The following GTF2F2 variants were observed in gnomAD, a reference collection of about 807,000 sequenced individuals.
GTF2F2 encodes general transcription factor IIF subunit 2, also known as ATP-dependent helicase GTF2F2.
A neutral mutation model predicts 42.2 loss-of-function variants in GTF2F2; 23 were observed. That is an observed-to-expected ratio of 0.55 (90% CI 0.39 to 0.77). GTF2F2 has a LOEUF of 0.77. Among genes scored for constraint, GTF2F2 ranks in the 30% least tolerant of loss-of-function variants. GTF2F2 has a pLI of 0.00. For synonymous variants in GTF2F2, 105 were observed against 100.8 expected, an observed-to-expected ratio of 1.04 and a Z score of -0.25; for missense variants, 261 against 287.2, an observed-to-expected ratio of 0.91 and a Z score of 0.66.
intron 2 of GTF2F2, among the ~76,000 whole-genome samples, chr13:45,144,455 G>A (rs1403958284): frequency 8.4e-6 from 1 of 119,438 alleles, no homozygotes; most frequent in East Asian, 2.5e-4. Flanking sequence ...TCTTTTTTTG[G>A]TCTTTTTTTT....
intron 5 of GTF2F2, among the ~76,000 whole-genome samples, chr13:45,216,538 A>T (rs1056548938): frequency 5.9e-5 from 9 of 151,776 alleles, no homozygotes; most frequent in African/African-American, 2.2e-4. Flanking sequence ...TGTTTTTGAG[A>T]TAGAGTCTTG....
intron 6 of GTF2F2, among the ~76,000 whole-genome samples, chr13:45,259,977 T>C: frequency 6.6e-6 from 1 of 151,762 alleles, no homozygotes; most frequent in African/African-American, 2.4e-5. Context: ...TTTCTCTCTC[T>C]CATTTTTTTT....
At chr13:45,200,953 A>C (rs1593488075) in intron 4 of GTF2F2, among the ~76,000 whole-genome samples, 1 of 152,324 alleles carries the variant, frequency 6.6e-6, no homozygotes, top group East Asian at 1.9e-4. Context: ...AATGTTGGTC[A>C]GTAGTCCTCT....
intron 6 of GTF2F2, among the ~76,000 whole-genome samples, chr13:45,254,459 A>AT (rs1463990824): frequency 6.6e-5 from 10 of 152,178 alleles, no homozygotes; most frequent in Admixed American, 6.5e-4. Context: ...CATTTATTGC[A>AT]TACATATTAT....
rs1331253179 is a variant in GTF2F2, at chr13:45,265,729, T to G, written c.487-1504T>G. Among the ~76,000 whole-genome samples the G allele has an allele frequency of 1.3e-5, 2 of 152,242 alleles. 1 individual carries two copies. The highest frequency in any genetic ancestry group is 4.8e-5 in the African/African-American group (2 of 41,466). On this transcript the variant is annotated intron_variant, in intron 6 of 7. Coordinates refer to ENST00000340473, the MANE Select transcript of GTF2F2 (RefSeq NM_004128.3). ...AATCAATAGAAACTAAATTTTATCC[T>G]TTTATAACAAATCTTTATTGTTAAA... is the stretch of plus-strand genomic sequence containing the variant.
chr13:45,192,745 G>A (rs1344574045), intron 4 of GTF2F2: 1 of 152,110 alleles, frequency 6.6e-6, no homozygotes, highest in African/African-American at 2.4e-5. Flanking sequence ...CTGAGATTTA[G>A]CATCCAAAAA....
chr13:45,191,227 AT>A lies in GTF2F2; in HGVS notation c.305-16196del, dbSNP rs1566129315. On this transcript the variant is annotated intron_variant, in intron 4 of 7. Transcript: ENST00000340473. ...TCTACTAAAAATACAAAAAAAAAATATATATATATATATATATATATATATA... is the reference window on the plus strand; with the variant it reads ...TCTACTAAAAATACAAAAAAAAAATAATATATATATATATATATATATATA... 4.9e-3 allele frequency among the ~76,000 whole-genome samples: 574 copies of A among 116,086 alleles called. 36 individuals are homozygous for A. The highest frequency in any genetic ancestry group is 0.017 in the African/African-American group (461 of 27,570). The allele number at this position is 116,086 out of a possible 152,430, so 76.2% of individuals were successfully genotyped here.
At chr13:45,220,510 T>TA (rs1036364543) in intron 5 of GTF2F2, among the ~76,000 whole-genome samples, 1 of 152,204 alleles carries the variant, frequency 6.6e-6, no homozygotes, top group Non-Finnish European at 1.5e-5. Context: ...TCCATACTTA[T>TA]ACTACCATAT....
At chr13:45,124,993 T>G (rs1321447901) in intron 1 of GTF2F2, among the ~76,000 whole-genome samples, 1 of 152,224 alleles carries the variant, frequency 6.6e-6, no homozygotes, top group Non-Finnish European at 1.5e-5. Flanking sequence ...TTTCATTTTT[T>G]CACAGACAGG....
intron 1 of GTF2F2, among the ~76,000 whole-genome samples, chr13:45,135,548 G>A (rs552209385): frequency 1.2e-4 from 18 of 152,276 alleles, no homozygotes; most frequent in Admixed American, 2.0e-4. Flanking sequence ...GTGAGCCACC[G>A]CGCCCAGCCC....
chr13:45,152,606 G>T (rs1280654137), intron 4 of GTF2F2, among the ~76,000 whole-genome samples: 1 of 152,152 alleles, frequency 6.6e-6, no homozygotes, highest in Non-Finnish European at 1.5e-5. Flanking sequence ...CCTTTTTATT[G>T]CATAGAGATA....
chr13:45,124,627 C>T (rs1868877360), intron 1 of GTF2F2, among the ~76,000 whole-genome samples: 1 of 152,060 alleles, frequency 6.6e-6, no homozygotes, highest in African/African-American at 2.4e-5. Context: ...TGCAATGGCA[C>T]AATCTCAGCG....
Position 45,151,628 on chromosome 13 carries a change from A to T in GTF2F2, c.160-59A>T, listed in dbSNP as rs13378297. On this transcript the variant is annotated intron_variant, in intron 3 of 7. Coordinates refer to ENST00000340473, the MANE Select transcript of GTF2F2 (RefSeq NM_004128.3). ...ACAATTTGATTTATAACAAAAATTT[A>T]TATATATATAGTTTGAATACAGAAG... 0.22 allele frequency: 230,131 copies of T among 1,040,096 alleles called. 26,648 individuals are homozygous for T. Among genetic ancestry groups the T allele is most frequent in the African/African-American group, 0.31 (18,597 of 60,048 alleles). The allele number at this position is 1,040,096 out of a possible 1,614,324, so 64.4% of individuals were successfully genotyped here. A position where few individuals can be genotyped will look rare whatever the true frequency, so the allele number is the denominator to read the frequency against.
intron 5 of GTF2F2, among the ~76,000 whole-genome samples, chr13:45,213,167 C>T (rs1462324797): frequency 6.6e-6 from 1 of 152,008 alleles, no homozygotes; most frequent in Non-Finnish European, 1.5e-5. Flanking sequence ...CAAGCTCTGC[C>T]TCCTGAGTTC....
chr13:45,166,160 A>G (rs942800135), intron 4 of GTF2F2, among the ~76,000 whole-genome samples: 5 of 152,120 alleles, frequency 3.3e-5, no homozygotes, highest in Admixed American at 3.3e-4. Flanking sequence ...AAAATACATA[A>G]CCATAAGGTC....
chr13:45,203,614 C>T (rs1452185516), intron 4 of GTF2F2, among the ~76,000 whole-genome samples: 1 of 152,154 alleles, frequency 6.6e-6, no homozygotes, highest in African/African-American at 2.4e-5. Context: ...AAACTCCCCT[C>T]ATACTTGCAA....
At chr13:45,193,914 A>G (rs1872758003) in intron 4 of GTF2F2, 2 of 1,614,062 alleles carry the variant, frequency 1.2e-6, no homozygotes, top group Non-Finnish European at 1.7e-6. Context: ...TTTCCAAGGT[A>G]CAGACAAAGG....
chr13:45,223,673 T>C (rs1040277987), intron 5 of GTF2F2, among the ~76,000 whole-genome samples: 2 of 152,224 alleles, frequency 1.3e-5, no homozygotes, highest in Non-Finnish European at 2.9e-5. Flanking sequence ...AAATAACTGA[T>C]AGAATACTGC....
chr13:45,193,481 C>T (rs538007995), intron 4 of GTF2F2: 8 of 250,076 alleles, frequency 3.2e-5, no homozygotes, highest in Non-Finnish European at 6.1e-5. Context: ...GTGCAAATAC[C>T]CAAGACAATC....
Sources: gnomAD v4.1 joint callset for allele counts (sites outside exome capture counted in the v4.1 genomes callset) on GRCh38, gnomAD v4.1.1 for gene constraint, MANE v1.5 for transcripts, NCBI Gene and HGNC (gene_info 2026-07-23, HGNC 2026-07-21) for gene names.